Variants in TLN2 observed in about 807,000 individuals in gnomAD.
TLN2 encodes the protein talin-2.
A neutral mutation model predicts 294.7 loss-of-function variants in TLN2; 118 were observed. The ratio of observed to expected loss-of-function variants is 0.40; its 90% CI spans 0.34 to 0.47. TLN2 has a LOEUF of 0.47. Ranked by LOEUF, TLN2 falls within the 20% of genes least tolerant of loss-of-function variation. TLN2 has a pLI of 0.84. For synonymous variants in TLN2, 1,431 were observed against 1,304.5 expected (o/e 1.10, Z -2.09); for missense variants, 3,083 against 3,282.2 (o/e 0.94, Z 1.48).
chr15:62,574,737 C>T (rs1439516708), intron 1 of TLN2, among the ~76,000 whole-genome samples: 1 of 151,512 alleles, frequency 6.6e-6, no homozygotes, highest in Non-Finnish European at 1.5e-5. Flanking sequence ...TTTCTGAAAT[C>T]AGGACCCATC....
At chr15:62,803,020 G>A (rs1465705426) in intron 50 of TLN2, among the ~76,000 whole-genome samples, 1 of 152,148 alleles carries the variant, frequency 6.6e-6, no homozygotes. Context: ...CGTTCTGTGG[G>A]TTGATTGTTT....
Position 62,805,735 on chromosome 15 carries a change from A to G in TLN2, c.6613A>G (p.Thr2205Ala). The change falls in exon 51 of 59, where the codon ACT becomes GCT. Residue 2205 changes from threonine (T) to alanine (A), a missense_variant. Thr to Ala is a moderately conservative substitution (Grantham distance 58). Coordinates refer to ENST00000636159, the MANE Select transcript of TLN2 (RefSeq NM_015059.3). ...NSCRQEDVIA[T>A]ANLSRKAVSD... ...ATGTAGACAGGAGGACGTGATTGCT[A>G]CTGCCAACCTGAGCCGGAAAGCCGT... 6.2e-7 allele frequency: 1 copy of G among 1,614,156 alleles called. No homozygotes were observed. The highest frequency in any genetic ancestry group is 1.1e-5 in the South Asian group (1 of 91,062).
intron 52 of TLN2, among the ~76,000 whole-genome samples, chr15:62,816,223 G>A (rs1421038127): frequency 6.6e-6 from 1 of 152,210 alleles, no homozygotes; most frequent in African/African-American, 2.4e-5. Context: ...GCTTTATGAT[G>A]TTTTAGAGAT....
intron 1 of TLN2, among the ~76,000 whole-genome samples, chr15:62,510,013 G>T (rs2039847250): frequency 6.6e-6 from 1 of 152,214 alleles, no homozygotes; most frequent in African/African-American, 2.4e-5. Context: ...AAAAAAAAAT[G>T]TTTTTAGCGA....
chr15:62,723,598 C>T (rs1165715148), intron 26 of TLN2, among the ~76,000 whole-genome samples: 3 of 132,330 alleles, frequency 2.3e-5, no homozygotes, highest in Non-Finnish European at 4.6e-5. Context: ...GACTGGAGTA[C>T]AGTGGTGCAG....
intron 1 of TLN2, among the ~76,000 whole-genome samples, chr15:62,443,549 C>T (rs2140308739): frequency 6.6e-6 from 1 of 152,282 alleles, no homozygotes; most frequent in African/African-American, 2.4e-5. Flanking sequence ...AAAGGAGGCC[C>T]AATCAACGTC....
chr15:62,598,286 T>C (rs1329745089), intron 2 of TLN2, among the ~76,000 whole-genome samples: 1 of 152,186 alleles, frequency 6.6e-6, no homozygotes, highest in East Asian at 1.9e-4. Flanking sequence ...GGTGGTCGGC[T>C]GTGTTTTATA....
At position 62,650,262 on chromosome 15, in the gene TLN2, T is replaced by C. The variant is rs534802263; in HGVS notation, c.234+81T>C. The C allele has an allele frequency of 1.6e-4, 231 of 1,432,242 alleles. 1 individual carries two copies. The East Asian group carries it at 2.4e-3, about 15-fold the overall frequency. The allele number at this position is 1,432,242 out of a possible 1,614,324, so 88.7% of individuals were successfully genotyped here. A position where few individuals can be genotyped will look rare whatever the true frequency, so the allele number is the denominator to read the frequency against. ...CATAGACGCCAACACGGTTACGCTA[T>C]TTTGATTCAAGGGCATCTTATTAAT... On this transcript the variant is annotated intron_variant, in intron 5 of 58. Coordinates refer to ENST00000636159, the MANE Select transcript of TLN2 (RefSeq NM_015059.3).
intron 1 of TLN2, among the ~76,000 whole-genome samples, chr15:62,473,365 C>T (rs780144): frequency 0.25 from 37,690 of 150,526 alleles, 4,950 homozygotes; most frequent in East Asian, 0.52. Flanking sequence ...TTTTTAAGTG[C>T]TCGATTTCCA....
At chr15:62,593,966 G>A (rs560303760) in intron 2 of TLN2, among the ~76,000 whole-genome samples, 2 of 152,260 alleles carry the variant, frequency 1.3e-5, no homozygotes, top group African/African-American at 4.8e-5. Context: ...AATATTGCAT[G>A]CAAATGGATA....
At chr15:62,659,931 C>T (rs1003635640) in intron 9 of TLN2, among the ~76,000 whole-genome samples, 1 of 152,174 alleles carries the variant, frequency 6.6e-6, no homozygotes, top group Non-Finnish European at 1.5e-5. Context: ...TGCTGATTTG[C>T]GAGTTGGATA....
At chr15:62,818,348 G>A (rs1461123872) in intron 52 of TLN2, among the ~76,000 whole-genome samples, 3 of 152,162 alleles carry the variant, frequency 2.0e-5, no homozygotes, top group Admixed American at 6.5e-5. Flanking sequence ...ATTGGGAAAC[G>A]TGAGAAAGAG....
chr15:62,826,731 A>G (rs1218725592), intron 54 of TLN2, among the ~76,000 whole-genome samples: 1 of 152,150 alleles, frequency 6.6e-6, no homozygotes, highest in African/African-American at 2.4e-5. Context: ...AAAAAAGAGA[A>G]ATGTGGCTGC....
intron 43 of TLN2, among the ~76,000 whole-genome samples, chr15:62,780,365 A>G (rs1280851462): frequency 6.6e-6 from 1 of 152,172 alleles, no homozygotes; most frequent in East Asian, 1.9e-4. Context: ...GTTCTTGACC[A>G]GGTGTAGTGT....
chr15:62,552,822 G>A (rs1474714469), intron 1 of TLN2, among the ~76,000 whole-genome samples: 1 of 152,218 alleles, frequency 6.6e-6, no homozygotes, highest in Non-Finnish European at 1.5e-5. Context: ...TTTGTGATCA[G>A]AGGCTTGTAG....
At chr15:62,823,563 C>T (rs1219071787) in intron 54 of TLN2, among the ~76,000 whole-genome samples, 1 of 152,154 alleles carries the variant, frequency 6.6e-6, no homozygotes, top group Non-Finnish European at 1.5e-5. Context: ...ACACTGCTTT[C>T]AGGAAGAGTT....
intron 1 of TLN2, among the ~76,000 whole-genome samples, chr15:62,394,000 T>G (rs2032321756): frequency 6.6e-6 from 1 of 152,198 alleles, no homozygotes; most frequent in Non-Finnish European, 1.5e-5. Flanking sequence ...GGTCTCGAAC[T>G]CCTGACCTCA....
At chr15:62,795,632 C>T (rs995914741) in intron 46 of TLN2, among the ~76,000 whole-genome samples, 1 of 152,114 alleles carries the variant, frequency 6.6e-6, no homozygotes, top group Non-Finnish European at 1.5e-5. Context: ...ATTTCCATCC[C>T]AGCAAAGGTG....
intron 1 of TLN2, among the ~76,000 whole-genome samples, chr15:62,403,235 GAA>G (rs11413710): frequency 2.0e-5 from 3 of 149,132 alleles, no homozygotes; most frequent in Non-Finnish European, 4.4e-5. Context: ...AAAAAGAGAG[GAA>G]AAAAAAAAAC....
Sources: gnomAD v4.1 joint callset for allele counts (sites outside exome capture counted in the v4.1 genomes callset) on GRCh38, gnomAD v4.1.1 for gene constraint, MANE v1.5 for transcripts, NCBI Gene and HGNC (gene_info 2026-07-23, HGNC 2026-07-21) for gene names.